RORB: variants seen among roughly 807,000 people sequenced by gnomAD.
The protein encoded by RORB is RAR related orphan receptor B, also known as nuclear receptor ROR-beta.
RORB carries 6 observed loss-of-function variants against 59.1 expected under a neutral mutation model. That is an observed-to-expected ratio of 0.10 (90% confidence interval 0.06 to 0.20). RORB has a LOEUF of 0.20. Ranked by LOEUF, RORB falls within the 10% of genes least tolerant of loss-of-function variation. RORB has a pLI of 1.00. For synonymous variants in RORB, 215 were observed against 204.5 expected (o/e 1.05, Z -0.44); for missense variants, 320 against 560.5 (o/e 0.57, Z 4.33).
intron 8 of RORB, among the ~76,000 whole-genome samples, chr9:74,668,120 G>A (rs1435275927): frequency 6.6e-6 from 1 of 152,166 alleles, no homozygotes; most frequent in Non-Finnish European, 1.5e-5. Context: ...GCATAGGTTA[G>A]GGGTTATTCC....
At chr9:74,498,273 T>C in intron 1 of RORB, 1 of 463,412 alleles carries the variant, frequency 2.2e-6, no homozygotes, top group Non-Finnish European at 3.9e-6. Flanking sequence ...TCTTTTTTGC[T>C]TGTCGCTCTC....
rs1825733136 is a variant in RORB, at chr9:74,497,754, A to G, written c.-223A>G. 1 of 504,696 alleles carries G rather than the reference A, an allele frequency of 2.0e-6. No homozygotes were observed. 31.3% of individuals were successfully genotyped at this position (504,696 alleles called of 1,614,324 possible). A position where few individuals can be genotyped will look rare whatever the true frequency, so the allele number is the denominator to read the frequency against. On this transcript the variant is annotated 5_prime_UTR_variant, in exon 1 of 10. Transcript: ENST00000376896. Reference sequence around the variant, plus strand: ...CTGAAAACAAACAAACAAACAAACAATCATCAAAACAGTCACCACCAACAT... The same window carrying G: ...CTGAAAACAAACAAACAAACAAACAGTCATCAAAACAGTCACCACCAACAT...
At chr9:74,662,079 T>C (rs1315799412) in intron 5 of RORB, among the ~76,000 whole-genome samples, 2 of 152,158 alleles carry the variant, frequency 1.3e-5, no homozygotes, top group Non-Finnish European at 1.5e-5. Flanking sequence ...GAAATCACTA[T>C]CCCTCAATGC....
At chr9:74,536,487 A>G (rs1826324815) in intron 1 of RORB, among the ~76,000 whole-genome samples, 1 of 152,006 alleles carries the variant, frequency 6.6e-6, no homozygotes, top group South Asian at 2.1e-4. Flanking sequence ...GAAATCCTTC[A>G]CCTCTTTTGG....
At chr9:74,585,211 A>G (rs1822780518) in intron 1 of RORB, among the ~76,000 whole-genome samples, 2 of 152,208 alleles carry the variant, frequency 1.3e-5, no homozygotes, top group African/African-American at 4.8e-5. Flanking sequence ...CCTCCCCATC[A>G]ACAGCTTCCA....
intron 4 of RORB, among the ~76,000 whole-genome samples, chr9:74,649,430 G>A (rs1195120337): frequency 6.6e-6 from 1 of 152,104 alleles, no homozygotes; most frequent in Non-Finnish European, 1.5e-5. Flanking sequence ...AATTCTCCCA[G>A]TTTGGGGCCA....
At chr9:74,596,457 G>A (rs1258300302) in intron 1 of RORB, among the ~76,000 whole-genome samples, 2 of 152,134 alleles carry the variant, frequency 1.3e-5, no homozygotes, top group Non-Finnish European at 2.9e-5. Flanking sequence ...GTGTGTCGTG[G>A]CCTCCTTGTG....
chr9:74,617,070 T>C (rs1823324175), intron 1 of RORB, among the ~76,000 whole-genome samples: 1 of 120,594 alleles, frequency 8.3e-6, no homozygotes, highest in Admixed American at 9.3e-5. Context: ...CTTTCTCGTC[T>C]AATATTCCCA....
At chr9:74,524,293 C>A (rs1413840200) in intron 1 of RORB, among the ~76,000 whole-genome samples, 1 of 151,602 alleles carries the variant, frequency 6.6e-6, no homozygotes, top group Non-Finnish European at 1.5e-5. Context: ...TCAGTCAAAG[C>A]AAGAGCAATA....
At chr9:74,500,785 G>A (rs1300420524) in intron 1 of RORB, among the ~76,000 whole-genome samples, 1 of 152,184 alleles carries the variant, frequency 6.6e-6, no homozygotes, top group African/African-American at 2.4e-5. Flanking sequence ...AAGAGTCCCT[G>A]ATCTTTGACG....
intron 1 of RORB, among the ~76,000 whole-genome samples, chr9:74,595,172 C>T (rs530579288): frequency 1.3e-5 from 2 of 152,230 alleles, no homozygotes; most frequent in South Asian, 2.1e-4. Flanking sequence ...AGAAACATGC[C>T]TACAAACCGA....
intron 1 of RORB, among the ~76,000 whole-genome samples, chr9:74,541,452 G>C (rs900633261): frequency 2.0e-5 from 3 of 151,948 alleles, no homozygotes; most frequent in Non-Finnish European, 2.9e-5. Flanking sequence ...TAAAAACTTA[G>C]AGTGATGTGC....
chr9:74,560,399 A>T (rs182364980), intron 1 of RORB, among the ~76,000 whole-genome samples: 11 of 152,294 alleles, frequency 7.2e-5, no homozygotes, highest in African/African-American at 2.6e-4. Flanking sequence ...ACATCCACAT[A>T]AAGTGTATTA....
At chr9:74,577,526 GAA>G (rs1455875733) in intron 1 of RORB, among the ~76,000 whole-genome samples, 6 of 152,084 alleles carry the variant, frequency 3.9e-5, no homozygotes, top group Non-Finnish European at 7.4e-5. Flanking sequence ...CTATTTGGAA[GAA>G]ACTGTGAGCT....
chr9:74,595,090 G>A (rs1822951737), intron 1 of RORB, among the ~76,000 whole-genome samples: 1 of 152,162 alleles, frequency 6.6e-6, no homozygotes, highest in Non-Finnish European at 1.5e-5. Flanking sequence ...TTGAGTCACT[G>A]TCCCAGAAAC....
At chr9:74,573,464 TAAA>T (rs5898361) in intron 1 of RORB, among the ~76,000 whole-genome samples, 18 of 131,836 alleles carry the variant, frequency 1.4e-4, no homozygotes, top group African/African-American at 2.0e-4. Flanking sequence ...CTTTTGTTAT[TAAA>T]AAAAAAAAAA....
rs1824350732 is a variant in RORB at position 74,671,838 on chromosome 9, A to T, written c.1161A>T (p.Lys387Asn). 6.2e-7 allele frequency: 1 copy of T among 1,612,840 alleles called. No individual in the cohort carries two copies. The highest frequency in any genetic ancestry group is 8.5e-7 in the Non-Finnish European group (1 of 1,179,376). Residue 387 changes from lysine (K) to asparagine (N), a missense_variant, in exon 9 of 10, where the codon AAA (lysine) becomes AAT (asparagine). This residue lies in a region of RORB where 109 missense variants were observed against 171.0 expected (regional missense o/e 0.64). Coordinates refer to ENST00000376896, the MANE Select transcript of RORB (RefSeq NM_006914.4). ...EPRKVQKLQE[K>N]IYFALQHVIQ... ...GGAAAGTCCAGAAGCTTCAGGAAAA[A>T]ATTTATTTTGCACTTCAACATGTGA...
chr9:74,549,890 G>A (rs957410751), intron 1 of RORB, among the ~76,000 whole-genome samples: 1 of 151,882 alleles, frequency 6.6e-6, no homozygotes, highest in Non-Finnish European at 1.5e-5. Flanking sequence ...CACTACGCCC[G>A]GCTAATCTTT....
intron 1 of RORB, among the ~76,000 whole-genome samples, chr9:74,566,911 G>A (rs921273118): frequency 6.6e-6 from 1 of 152,172 alleles, no homozygotes; most frequent in Non-Finnish European, 1.5e-5. Flanking sequence ...GTTGTCATTT[G>A]TTTATGTGAC....
Sources: gnomAD v4.1 joint callset for allele counts (sites outside exome capture counted in the v4.1 genomes callset) on GRCh38, gnomAD v4.1.1 for gene constraint, gnomAD v4.1.1 regional missense constraint, MANE v1.5 for transcripts, NCBI Gene and HGNC (gene_info 2026-07-23, HGNC 2026-07-21) for gene names.